Variants in CHRM3 observed in about 807,000 individuals in gnomAD.
CHRM3 encodes cholinergic receptor muscarinic 3, also known as muscarinic acetylcholine receptor M3.
CHRM3 carries 11 observed loss-of-function variants against 41.8 expected under a neutral mutation model. That is an observed-to-expected ratio of 0.26 (90% CI 0.17 to 0.44). The LOEUF (loss-of-function observed/expected upper bound fraction) is 0.44. Among genes scored for constraint, CHRM3 ranks in the 20% least tolerant of loss-of-function variants. The pLI is 1.00. For missense variants in CHRM3, 571 were observed against 745.4 expected (o/e 0.77, Z 2.72); for synonymous variants, 297 against 301.4 (o/e 0.99, Z 0.15).
chr1:239,433,233 G>A (rs927007778), intron 1 of CHRM3, among the ~76,000 whole-genome samples: 30 of 152,120 alleles, frequency 2.0e-4, no homozygotes, highest in African/African-American at 7.0e-4. Flanking sequence ...TTTATACTAA[G>A]AATCTAAAGA....
intron 5 of CHRM3, among the ~76,000 whole-genome samples, chr1:239,690,837 G>A (rs6429152): frequency 0.56 from 84,146 of 151,356 alleles, 23,964 homozygotes; most frequent in African/African-American, 0.66. Flanking sequence ...ATATATTTCT[G>A]ATTCATCTGC....
chr1:239,387,329 T>C lies in CHRM3; in HGVS notation c.-521+102T>C, dbSNP rs1363008181. 1 of 151,536 alleles carries C rather than the reference T, an allele frequency of 6.6e-6. No individual in the cohort carries two copies. Among genetic ancestry groups the C allele is most frequent in the African/African-American group, 2.4e-5 (1 of 41,198 alleles). The allele number at this position is 151,536 out of a possible 1,614,324, so 9.4% of individuals were successfully genotyped here. A position where few individuals can be genotyped will look rare whatever the true frequency, so the allele number is the denominator to read the frequency against. On this transcript the variant is annotated intron_variant, in intron 1 of 6. Coordinates refer to ENST00000676153, the MANE Select transcript of CHRM3 (RefSeq NM_001375978.1). The surrounding 1 kb of genome is among the most constrained non-coding windows in gnomAD (Gnocchi z 5.1). ...TCGTTGCGAAAGGAGGAAAAAGTTT[T>C]CGGCGCGGGTAGGAGAGGTCTTGTG...
At chr1:239,755,478 C>T (rs534251780) in intron 5 of CHRM3, among the ~76,000 whole-genome samples, 1 of 152,164 alleles carries the variant, frequency 6.6e-6, no homozygotes, top group Non-Finnish European at 1.5e-5. Context: ...TTCTAAGAAA[C>T]TTGGTTATCT....
At chr1:239,562,699 T>C (rs1037676507) in intron 3 of CHRM3, among the ~76,000 whole-genome samples, 6 of 151,940 alleles carry the variant, frequency 3.9e-5, no homozygotes, top group Middle Eastern at 6.8e-3. Context: ...ACCAGCCTTG[T>C]CAACATAGTG....
intron 6 of CHRM3, among the ~76,000 whole-genome samples, chr1:239,873,388 CAT>C (rs1676762413): frequency 1.3e-5 from 2 of 151,894 alleles, no homozygotes; most frequent in Non-Finnish European, 2.9e-5. Flanking sequence ...TTCTGGGGTA[CAT>C]GTGGAGAACG....
chr1:239,387,358 G>C lies in CHRM3; in HGVS notation c.-521+131G>C, dbSNP rs1161304022. 5 of 152,106 alleles carry C rather than the reference G, an allele frequency of 3.3e-5. No homozygotes were observed. Among genetic ancestry groups the C allele is most frequent in the Non-Finnish European group, 4.4e-5 (3 of 68,082 alleles). The allele number at this position is 152,106 out of a possible 1,614,324, so 9.4% of individuals were successfully genotyped here. ...CGCGGGTAGGAGAGGTCTTGTGTTTGGAGTCCAAAGAAGGGGCTGGGTAGG... is the reference window on the plus strand; with the variant it reads ...CGCGGGTAGGAGAGGTCTTGTGTTTCGAGTCCAAAGAAGGGGCTGGGTAGG... On this transcript the variant is annotated intron_variant, in intron 1 of 6. Transcript: ENST00000676153. This position sits in a 1 kb window ranked among gnomAD's most constrained non-coding sequence, Gnocchi z 5.1.
chr1:239,867,506 G>A (rs1676216207), intron 6 of CHRM3, among the ~76,000 whole-genome samples: 1 of 152,100 alleles, frequency 6.6e-6, no homozygotes, highest in African/African-American at 2.4e-5. Context: ...TGGCCAACAT[G>A]GTGAAACCCT....
rs368164805 is a variant in CHRM3, at chr1:239,622,745, A to G, written c.-312-9479A>G. On this transcript the variant is annotated intron_variant, in intron 3 of 6. Transcript: ENST00000676153. The stretch of plus-strand genomic sequence containing the variant: ...TGGTGAAGATACTGTGAATATTGTT[A>G]AAATGACCACAAAAGATTTAGAATA... 3.9e-5 allele frequency among the ~76,000 whole-genome samples: 6 copies of G among 152,330 alleles called. No individual in the cohort carries two copies. The East Asian group carries it at 5.8e-4, about 15-fold the overall frequency.
chr1:239,426,904 T>A (rs1319301934), intron 1 of CHRM3, among the ~76,000 whole-genome samples: 1 of 152,040 alleles, frequency 6.6e-6, no homozygotes, highest in African/African-American at 2.4e-5. Context: ...GAATTGGAGA[T>A]AATTGGCAAT....
chr1:239,867,352 A>G (rs1388394944), intron 6 of CHRM3, among the ~76,000 whole-genome samples: 2 of 152,166 alleles, frequency 1.3e-5, no homozygotes, highest in Non-Finnish European at 2.9e-5. Context: ...AAGATATAGG[A>G]GTGTGCCCAC....
chr1:239,611,618 A>C (rs549276533), intron 3 of CHRM3, among the ~76,000 whole-genome samples: 1 of 152,028 alleles, frequency 6.6e-6, no homozygotes, highest in Admixed American at 6.6e-5. Flanking sequence ...ATGGGGTTTC[A>C]CCATGTTGGC....
At chr1:239,593,569 T>C (rs1393654589) in intron 3 of CHRM3, among the ~76,000 whole-genome samples, 4 of 152,194 alleles carry the variant, frequency 2.6e-5, no homozygotes, top group Non-Finnish European at 4.4e-5. Flanking sequence ...CAATATTTAG[T>C]TCACACCACA....
At chr1:239,665,849 A>G (rs10802788) in intron 4 of CHRM3, among the ~76,000 whole-genome samples, 82,789 of 151,956 alleles carry the variant, frequency 0.54, 23,325 homozygotes, top group East Asian at 0.73. Context: ...ATATGAATTC[A>G]TCCTTTTTTA....
chr1:239,497,356 G>A (rs1016563822), intron 2 of CHRM3, among the ~76,000 whole-genome samples: 2 of 152,136 alleles, frequency 1.3e-5, no homozygotes, highest in Admixed American at 1.3e-4. Flanking sequence ...GGGTGACGGG[G>A]CAGCACAGCA....
intron 3 of CHRM3, among the ~76,000 whole-genome samples, chr1:239,598,260 G>C (rs1294074732): frequency 6.6e-6 from 1 of 152,094 alleles, no homozygotes; most frequent in East Asian, 1.9e-4. Context: ...CAGTCCAGCA[G>C]AGGGGCTTAA....
intron 2 of CHRM3, among the ~76,000 whole-genome samples, chr1:239,540,859 C>A (rs1373550283): frequency 6.6e-6 from 1 of 151,728 alleles, no homozygotes; most frequent in Non-Finnish European, 1.5e-5. Context: ...AAACTGTTTC[C>A]CTGATGTTGT....
At chr1:239,506,565 G>A (rs1668585228) in intron 2 of CHRM3, among the ~76,000 whole-genome samples, 1 of 152,202 alleles carries the variant, frequency 6.6e-6, no homozygotes, top group Non-Finnish European at 1.5e-5. Flanking sequence ...TTTACTGCAG[G>A]GGTGGTGCCC....
At chr1:239,622,345 A>G (rs1179448111) in intron 3 of CHRM3, among the ~76,000 whole-genome samples, 3 of 152,202 alleles carry the variant, frequency 2.0e-5, no homozygotes, top group Non-Finnish European at 4.4e-5. Flanking sequence ...TTTAAGAAAT[A>G]CATTTCATAA....
At chr1:239,781,796 T>C (rs1668527912) in intron 5 of CHRM3, among the ~76,000 whole-genome samples, 1 of 152,146 alleles carries the variant, frequency 6.6e-6, no homozygotes, top group Non-Finnish European at 1.5e-5. Flanking sequence ...TTCCCTCTCT[T>C]CTTTGTTTAC....
Sources: allele counts gnomAD v4.1 joint callset (sites outside exome capture counted in the v4.1 genomes callset), GRCh38; gene constraint gnomAD v4.1.1; non-coding constraint Gnocchi (gnomAD v3.1); transcripts MANE v1.5; gene names NCBI Gene and HGNC (gene_info 2026-07-23, HGNC 2026-07-21).